The following SHC3 variants were observed in gnomAD, a reference collection of about 807,000 sequenced individuals.
SHC3 encodes the protein SHC-transforming protein 3.
Under a neutral mutation model 60.4 loss-of-function variants are expected in SHC3, and 15 were observed. The ratio of observed to expected loss-of-function variants is 0.25; its 90% confidence interval spans 0.17 to 0.38. SHC3 has a LOEUF of 0.38. SHC3 is among the 10% of genes least tolerant of loss of function. The pLI is 1.00. For synonymous variants in SHC3, 294 were observed against 325.9 expected (o/e 0.90, Z 1.05); for missense variants, 677 against 786.1 (o/e 0.86, Z 1.66).
intron 2 of SHC3, among the ~76,000 whole-genome samples, chr9:89,082,848 G>A (rs543181691): frequency 3.0e-4 from 46 of 152,220 alleles, no homozygotes; most frequent in Non-Finnish European, 4.7e-4. Context: ...AGCAGCAGGC[G>A]GCTCACCCAC....
At chr9:89,021,610 G>T (rs1826201979) in intron 11 of SHC3, among the ~76,000 whole-genome samples, 2 of 152,212 alleles carry the variant, frequency 1.3e-5, no homozygotes, top group South Asian at 4.1e-4. Flanking sequence ...CCTGAACCCT[G>T]CCTGGATGCC....
At chr9:89,075,039 G>A in intron 4 of SHC3, 70 bp downstream of exon 4, 1 of 1,559,928 alleles carries the variant, frequency 6.4e-7, no homozygotes, top group Non-Finnish European at 8.7e-7. Context: ...AAAGCTGCAA[G>A]GAAGAAGCCT....
intron 4 of SHC3, among the ~76,000 whole-genome samples, chr9:89,074,291 G>A (rs112775371): frequency 2.6e-5 from 4 of 152,192 alleles, no homozygotes; most frequent in South Asian, 2.1e-4. Flanking sequence ...GGTCCCATCC[G>A]AGCTCCAGCT....
intron 6 of SHC3, among the ~76,000 whole-genome samples, chr9:89,060,916 G>A (rs1010511852): frequency 4.6e-5 from 7 of 152,116 alleles, no homozygotes; most frequent in African/African-American, 9.7e-5. Context: ...AGGGGTTGCG[G>A]TTGATAGAAA....
intron 9 of SHC3, among the ~76,000 whole-genome samples, chr9:89,044,985 C>T (rs1824748354): frequency 6.6e-6 from 1 of 152,118 alleles, no homozygotes; most frequent in African/African-American, 2.4e-5. Flanking sequence ...CTGAAGCTGA[C>T]CCTGAGTAAA....
intron 1 of SHC3, 22 bp from the exon 2 acceptor site, chr9:89,112,648 AT>A: frequency 6.4e-7 from 1 of 1,574,574 alleles, no homozygotes; most frequent in Non-Finnish European, 8.6e-7. Flanking sequence ...AAAAATGTAA[AT>A]CGTGAGCCCT....
chr9:89,080,738 T>A (rs1474397228), intron 2 of SHC3, among the ~76,000 whole-genome samples: 2 of 116,972 alleles, frequency 1.7e-5, no homozygotes, highest in African/African-American at 5.9e-5. Flanking sequence ...AGGAAGAATA[T>A]ATATATATAT....
chr9:89,136,396 C>T (rs188779433), intron 1 of SHC3, among the ~76,000 whole-genome samples: 4 of 152,256 alleles, frequency 2.6e-5, no homozygotes, highest in Admixed American at 1.3e-4. Context: ...GCTGATAAAA[C>T]AGCTTATAGC....
chr9:89,038,878 C>G (rs780086448), intron 10 of SHC3, among the ~76,000 whole-genome samples: 1 of 152,226 alleles, frequency 6.6e-6, no homozygotes, highest in Non-Finnish European at 1.5e-5. Flanking sequence ...TTAACCTTCA[C>G]TTGTTTCCCT....
chr9:89,125,981 T>C (rs1162857717), intron 1 of SHC3, among the ~76,000 whole-genome samples: 1 of 152,216 alleles, frequency 6.6e-6, no homozygotes, highest in Non-Finnish European at 1.5e-5. Flanking sequence ...CATTTTACTC[T>C]ATGGATTTGC....
At chr9:89,091,413 C>T (rs746430148) in intron 2 of SHC3, among the ~76,000 whole-genome samples, 27 of 152,150 alleles carry the variant, frequency 1.8e-4, no homozygotes, top group Admixed American at 1.4e-3. Flanking sequence ...AATGGCATTT[C>T]AACACAGTGG....
At chr9:89,146,290 G>A (rs181457775) in intron 1 of SHC3, among the ~76,000 whole-genome samples, 14 of 152,104 alleles carry the variant, frequency 9.2e-5, no homozygotes, top group African/African-American at 3.4e-4. Flanking sequence ...CTGGGAGGCG[G>A]AGGTTGCAGT....
chr9:89,170,331 T>C (rs1826851121), intron 1 of SHC3, among the ~76,000 whole-genome samples: 1 of 152,226 alleles, frequency 6.6e-6, no homozygotes, highest in Non-Finnish European at 1.5e-5. Flanking sequence ...ACACCTGCAC[T>C]ACTCACTTTA....
chr9:89,126,204 C>T (rs189173888), intron 1 of SHC3, among the ~76,000 whole-genome samples: 4 of 152,074 alleles, frequency 2.6e-5, no homozygotes, highest in African/African-American at 9.7e-5. Context: ...GGGTTAGAGA[C>T]CCAACTTAGA....
At chr9:89,128,530 G>T (rs1831152) in intron 1 of SHC3, among the ~76,000 whole-genome samples, 2,086 of 152,188 alleles carry the variant, frequency 0.014, 48 homozygotes, top group African/African-American at 0.045. Context: ...CATACAGCTC[G>T]GTGCCCCTCT....
rs145856792 is a variant in SHC3, at chr9:89,160,807, C to A, written c.474+17180G>T. On this transcript the variant is annotated intron_variant, in intron 1 of 11. Transcript: ENST00000375835. ...TCAAGGGCCTGCTAATAATGCTTTC[C>A]AACTACCAAACAGCCTTTAAAGATT... Among the ~76,000 whole-genome samples the A allele has an allele frequency of 4.0e-3, 602 of 152,302 alleles. 3 individuals are homozygous for A. The highest frequency in any genetic ancestry group is 0.01 in the Middle Eastern group (3 of 294).
intron 2 of SHC3, among the ~76,000 whole-genome samples, chr9:89,104,218 T>C (rs1354400573): frequency 2.0e-5 from 3 of 151,980 alleles, no homozygotes; most frequent in Admixed American, 6.6e-5. Context: ...GTTTCATAGA[T>C]GGTAGCTGCA....
chr9:89,059,796 TG>T (rs1825049161), intron 6 of SHC3, among the ~76,000 whole-genome samples: 1 of 16,934 alleles, frequency 5.9e-5, no homozygotes, highest in African/African-American at 3.4e-4. Context: ...TGGAGGACGT[TG>T]TGGAGGATGG....
chr9:89,124,390 T>A (rs1008039352), intron 1 of SHC3, among the ~76,000 whole-genome samples: 2 of 152,170 alleles, frequency 1.3e-5, no homozygotes, highest in Non-Finnish European at 2.9e-5. Flanking sequence ...CATGCACAAG[T>A]ATGTTTACTG....
Sources: gnomAD v4.1 joint callset for allele counts (sites outside exome capture counted in the v4.1 genomes callset) on GRCh38, gnomAD v4.1.1 for gene constraint, MANE v1.5 for transcripts, NCBI Gene and HGNC (gene_info 2026-07-23, HGNC 2026-07-21) for gene names.